The following PFKFB1 variants were observed in gnomAD, a reference collection of about 807,000 sequenced individuals.
PFKFB1 encodes 6-phosphofructo-2-kinase/fructose-2,6-bisphosphatase 1.
In PFKFB1, 34 loss-of-function variants were observed where a neutral mutation model predicts 46.4. The ratio of observed to expected loss-of-function variants is 0.73; its 90% confidence interval spans 0.56 to 0.98. PFKFB1 has a LOEUF of 0.98. Among genes scored for constraint, PFKFB1 ranks in the 50% least tolerant of loss-of-function variants. The pLI is 0.00. For missense variants in PFKFB1, 393 were observed against 376.3 expected (o/e 1.04, Z -0.37); for synonymous variants, 119 against 133.8 (o/e 0.89, Z 0.76).
chrX:54,973,746 A>G (rs1312436260), intron 1 of PFKFB1, among the ~76,000 whole-genome samples: 2 of 111,042 alleles, frequency 1.8e-5, no homozygotes, highest in East Asian at 5.6e-4. Context: ...TGCCGAGGAC[A>G]GCTTTACTTC....
At chrX:54,948,011 C>T (rs1369447682) in intron 9 of PFKFB1, among the ~76,000 whole-genome samples, 1 of 109,610 alleles carries the variant, frequency 9.1e-6, no homozygotes, top group Non-Finnish European at 1.9e-5. Context: ...CAGCCTCAAC[C>T]TCCCAGGCTT....
intron 9 of PFKFB1, 95 bp from the exon 10 acceptor site, chrX:54,945,638 T>C: frequency 1.8e-6 from 1 of 564,079 alleles, no homozygotes; most frequent in Non-Finnish European, 2.9e-6. Flanking sequence ...CAGTAGCACA[T>C]GAGCACCTGG....
At chrX:54,984,040 G>A (rs1041789398) in intron 1 of PFKFB1, among the ~76,000 whole-genome samples, 5 of 110,655 alleles carry the variant, frequency 4.5e-5, no homozygotes, top group Admixed American at 3.8e-4. Flanking sequence ...ATTTGTTTAA[G>A]TTCAACTTGA....
chrX:54,994,297 A>G (rs1196265110), upstream of PFKFB1: 1 of 752,003 alleles, frequency 1.3e-6, no homozygotes, highest in Admixed American at 8.8e-5. Context: ...GGCTGTGTAC[A>G]TAGGAGGTAA....
At chrX:54,977,383 C>T (rs1344498516) in intron 1 of PFKFB1, among the ~76,000 whole-genome samples, 1 of 109,987 alleles carries the variant, frequency 9.1e-6, no homozygotes. Context: ...CTGAAACTAC[C>T]AGTGTAGTAG....
chrX:54,968,788 C>A (rs918435962), intron 1 of PFKFB1, among the ~76,000 whole-genome samples: 2 of 111,179 alleles, frequency 1.8e-5, no homozygotes, highest in African/African-American at 6.5e-5. Flanking sequence ...CAAATTTTAC[C>A]ATTCATTTAA....
upstream of PFKFB1, among the ~76,000 whole-genome samples, chrX:54,998,742 C>A (rs908267571): frequency 5.3e-5 from 6 of 112,647 alleles, no homozygotes; most frequent in African/African-American, 1.6e-4. Flanking sequence ...TGGAGACAGG[C>A]AAGTTCTGGA....
chrX:54,938,036 A>C (rs887190000), intron 10 of PFKFB1, among the ~76,000 whole-genome samples: 1 of 112,308 alleles, frequency 8.9e-6, no homozygotes, highest in African/African-American at 3.2e-5. Context: ...AAAATAAAGA[A>C]AATTTTATAA....
At chrX:54,976,868 G>T (rs992393291) in intron 1 of PFKFB1, among the ~76,000 whole-genome samples, 3 of 110,974 alleles carry the variant, frequency 2.7e-5, no homozygotes, top group African/African-American at 9.8e-5. Context: ...TATGCTAAGA[G>T]AAAGAAGCCA....
chrX:54,969,734 C>T (rs1215514521), intron 1 of PFKFB1, among the ~76,000 whole-genome samples: 7 of 111,377 alleles, frequency 6.3e-5, no homozygotes, highest in Non-Finnish European at 1.3e-4. Context: ...AGGAACAAGG[C>T]AAGGATGTCC....
chrX:54,957,180 T>A (rs1351381095), intron 6 of PFKFB1, among the ~76,000 whole-genome samples: 2 of 111,945 alleles, frequency 1.8e-5, no homozygotes, highest in African/African-American at 6.5e-5. Context: ...CTACTTATAG[T>A]TCTCTGGAGA....
At chrX:54,997,537 G>A (rs895903858), upstream of PFKFB1, among the ~76,000 whole-genome samples, 1 of 112,179 alleles carries the variant, frequency 8.9e-6, no homozygotes, top group Non-Finnish European at 1.9e-5. Context: ...AGCAGCATAT[G>A]ACAGTGCTGA....
intron 1 of PFKFB1, among the ~76,000 whole-genome samples, chrX:54,987,376 G>A (rs759168403): frequency 1.8e-5 from 2 of 111,161 alleles, no homozygotes; most frequent in Admixed American, 9.6e-5. Flanking sequence ...AGAATAATAC[G>A]ATTCTTCAAA....
intron 1 of PFKFB1, among the ~76,000 whole-genome samples, chrX:54,992,689 C>T (rs901593729): frequency 3.6e-5 from 4 of 112,036 alleles, no homozygotes; most frequent in African/African-American, 1.3e-4. Flanking sequence ...AGACACAGTT[C>T]CCAGGACTAT....
At chrX:54,948,069 T>C (rs1346331898) in intron 9 of PFKFB1, among the ~76,000 whole-genome samples, 1 of 110,235 alleles carries the variant, frequency 9.1e-6, no homozygotes, top group Non-Finnish European at 1.9e-5. Context: ...GTCACAGGCA[T>C]GCACCACTGC....
chrX:54,952,217 A>G, intron 7 of PFKFB1, 105 bp from the exon 8 acceptor site: 1 of 584,127 alleles, frequency 1.7e-6, no homozygotes, highest in East Asian at 3.5e-5. Flanking sequence ...CCTCTTCCAC[A>G]ACCCAGCTGT....
chrX:54,997,184 A>G (rs1003783659), upstream of PFKFB1, among the ~76,000 whole-genome samples: 1 of 112,315 alleles, frequency 8.9e-6, no homozygotes, highest in African/African-American at 3.2e-5. Flanking sequence ...GGTAAATATT[A>G]TAACAGAGAG....
chrX:54,937,113 A>G (rs899843332), intron 11 of PFKFB1, among the ~76,000 whole-genome samples: 1 of 111,513 alleles, frequency 9.0e-6, no homozygotes, highest in Non-Finnish European at 1.9e-5. Context: ...AAACATCACT[A>G]TCTTGGGGAA....
chrX:54,997,195 C>G (rs1035801555), upstream of PFKFB1, among the ~76,000 whole-genome samples: 1 of 112,122 alleles, frequency 8.9e-6, no homozygotes, highest in African/African-American at 3.2e-5. Context: ...TAACAGAGAG[C>G]TGTGCAGGGA....
Sources: allele counts gnomAD v4.1 joint callset (sites outside exome capture counted in the v4.1 genomes callset), GRCh38; gene constraint gnomAD v4.1.1; transcripts MANE v1.5; gene names NCBI Gene and HGNC (gene_info 2026-07-23, HGNC 2026-07-21).